The following NAP1L4 variants were observed in gnomAD, a reference collection of about 807,000 sequenced individuals.
NAP1L4 encodes nucleosome assembly protein 1-like 4.
Under a neutral mutation model 58.2 loss-of-function variants are expected in NAP1L4, and 15 were observed. That is an observed-to-expected ratio of 0.26 (90% CI 0.17 to 0.40). NAP1L4 has a LOEUF of 0.40. Among genes scored for constraint, NAP1L4 ranks in the 10% least tolerant of loss-of-function variants. The probability of loss-of-function intolerance (pLI) is 1.00; values close to 1 mark genes in which losing one functional copy is unlikely to be tolerated. For missense variants in NAP1L4, 384 were observed against 451.1 expected, an observed-to-expected ratio of 0.85 and a Z score of 1.35; for synonymous variants, 171 against 155.6, an observed-to-expected ratio of 1.10 and a Z score of -0.74.
rs781596267 is a variant in NAP1L4, at chr11:2,976,138, G to A, written c.74-15C>T. ...TGTGAGCTTTTCTATGAAGAGTTAA[G>A]ACCAAACATATTTAAAATATGCCCA... On this transcript the variant is annotated splice_polypyrimidine_tract_variant and intron_variant, in intron 3 of 15. Coordinates refer to ENST00000380542, the MANE Select transcript of NAP1L4 (RefSeq NM_005969.4). 1.3e-6 allele frequency: 2 copies of A among 1,596,998 alleles called. No homozygotes were observed. The highest frequency in any genetic ancestry group is 2.2e-5 in the South Asian group (2 of 89,254).
chr11:2,978,533 G>A (rs1590261963), intron 2 of NAP1L4, among the ~76,000 whole-genome samples, 191 bp from the exon 3 acceptor site: 1 of 152,070 alleles, frequency 6.6e-6, no homozygotes, highest in Non-Finnish European at 1.5e-5. Flanking sequence ...ATTCTACTAC[G>A]TAACATCCCC....
rs1266511752 is a variant in NAP1L4 at position 2,992,297 on chromosome 11, C to T, written c.-61G>A. On this transcript the variant is annotated 5_prime_UTR_variant, in exon 1 of 16. Transcript: ENST00000380542. ...GTGGCGGCGACCCTAGCTTCGCTCG[C>T]TTTGGGGCTGCGCCGCCGTGGCCTC... The T allele has an allele frequency of 6.6e-6, 1 of 152,344 alleles. No individual in the cohort carries two copies. Among genetic ancestry groups the T allele is most frequent in the Non-Finnish European group, 1.5e-5 (1 of 68,134 alleles). 9.4% of individuals were successfully genotyped at this position (152,344 alleles called of 1,614,324 possible). A position where few individuals can be genotyped will look rare whatever the true frequency, so the allele number is the denominator to read the frequency against.
At chr11:2,976,623 T>C (rs73406378) in intron 3 of NAP1L4, among the ~76,000 whole-genome samples, 7,331 of 152,298 alleles carry the variant, frequency 0.048, 595 homozygotes, top group African/African-American at 0.17. Flanking sequence ...TAAGTTTTCT[T>C]TGCATGTGCT....
At chr11:2,965,867 G>A (rs16928925) in intron 7 of NAP1L4, among the ~76,000 whole-genome samples, 3,498 of 152,256 alleles carry the variant, frequency 0.023, 143 homozygotes, top group African/African-American at 0.08. Flanking sequence ...TACACAGAGC[G>A]TGTCTGAGAT....
intron 4 of NAP1L4, among the ~76,000 whole-genome samples, 191 bp downstream of exon 4, chr11:2,975,833 C>T (rs911117051): frequency 2.6e-5 from 4 of 152,134 alleles, no homozygotes; most frequent in African/African-American, 9.7e-5. Flanking sequence ...CTACTCCATC[C>T]ACCAGGCAAA....
chr11:2,958,191 T>C (rs894577025), intron 10 of NAP1L4: 3 of 696,482 alleles, frequency 4.3e-6, no homozygotes, highest in Non-Finnish European at 7.9e-6. Context: ...AAGATGACAA[T>C]CCTACTCTTA....
At chr11:2,964,788 T>TA (rs779061549) in intron 7 of NAP1L4, 37 bp from the exon 8 acceptor site, 40 of 1,494,176 alleles carry the variant, frequency 2.7e-5, no homozygotes, top group East Asian at 9.1e-5. Context: ...AACAGGCTTT[T>TA]AAAAAAACAA....
chr11:2,945,199 G>T lies in NAP1L4; in HGVS notation c.*480C>A, dbSNP rs1194529200. On this transcript the variant is annotated 3_prime_UTR_variant, in exon 16 of 16. Transcript: ENST00000380542. ...AAACAGCAAGTGGGTTTCTTCGGAT[G>T]AAAGGGAAGAATTCAGTCCAACTGC... 5.7e-6 allele frequency: 1 copy of T among 174,546 alleles called. No individual in the cohort carries two copies. Among genetic ancestry groups the T allele is most frequent in the Non-Finnish European group, 1.2e-5 (1 of 83,084 alleles). The allele number at this position is 174,546 out of a possible 1,614,324, so 10.8% of individuals were successfully genotyped here. A position where few individuals can be genotyped will look rare whatever the true frequency, so the allele number is the denominator to read the frequency against.
rs1283602863 is a variant in NAP1L4 at position 2,959,643 on chromosome 11, C to CAGGCTTTT, written c.746+119_746+126dup. 2 of 1,106,712 alleles carry CAGGCTTTT rather than the reference C, an allele frequency of 1.8e-6. No individual in the cohort carries two copies. Among genetic ancestry groups the CAGGCTTTT allele is most frequent in the African/African-American group, 3.2e-5 (2 of 63,334 alleles). The allele number at this position is 1,106,712 out of a possible 1,614,324, so 68.6% of individuals were successfully genotyped here. ...AAAGACTATTGAAATATACATCTAC[C>CAGGCTTTT]AGGCTTTTAGGCTTTTAAGCAGACT... On this transcript the variant is annotated intron_variant, in intron 9 of 15. Transcript: ENST00000380542. The surrounding 1 kb of genome is among the most constrained non-coding windows in gnomAD (Gnocchi z 4.9).
intron 10 of NAP1L4, among the ~76,000 whole-genome samples, chr11:2,958,017 A>C (rs760588216): frequency 6.6e-6 from 1 of 152,224 alleles, no homozygotes; most frequent in Non-Finnish European, 1.5e-5. Flanking sequence ...CGAACCAGAC[A>C]CAACAGCGGG....
chr11:2,969,992 C>T (rs1027336199), intron 6 of NAP1L4, 58 bp from the exon 7 acceptor site: 14 of 1,530,788 alleles, frequency 9.1e-6, no homozygotes, highest in Non-Finnish European at 1.8e-6. Context: ...AATGCAGCGG[C>T]TTCACGTAGA....
chr11:2,958,109 T>C, intron 10 of NAP1L4: 1 of 582,704 alleles, frequency 1.7e-6, no homozygotes, highest in Non-Finnish European at 3.2e-6. Flanking sequence ...CGATTCAGTT[T>C]TCTTAAAACA....
chr11:2,945,612 T>G lies in NAP1L4; in HGVS notation c.*67A>C. On this transcript the variant is annotated 3_prime_UTR_variant, in exon 16 of 16. Transcript: ENST00000380542. ...CCAGGCACCCGCCTCCGCTTCCTAC[T>G]GCTGCTTGCATTCCGCCGGCTGGCT... The G allele has an allele frequency of 1.3e-6, 2 of 1,536,062 alleles. No individual in the cohort carries two copies.
intron 3 of NAP1L4, among the ~76,000 whole-genome samples, chr11:2,977,991 G>A (rs1848067418): frequency 6.6e-6 from 1 of 151,870 alleles, no homozygotes; most frequent in Admixed American, 6.6e-5. Flanking sequence ...ACACAGCAAG[G>A]CTCCATCTCA....
At chr11:2,984,401 G>A (rs549837659) in intron 1 of NAP1L4, among the ~76,000 whole-genome samples, 2 of 151,998 alleles carry the variant, frequency 1.3e-5, no homozygotes, top group Admixed American at 6.5e-5. Flanking sequence ...GGAGAAACCC[G>A]TCTCTACTAA....
intron 1 of NAP1L4, among the ~76,000 whole-genome samples, chr11:2,982,932 AC>A (rs1449224665): frequency 4.6e-5 from 7 of 152,324 alleles, no homozygotes; most frequent in African/African-American, 1.7e-4. Flanking sequence ...AAGCAGGAGA[AC>A]TGCTTGAACC....
At chr11:2,953,189 G>A (rs541437975) in intron 12 of NAP1L4, among the ~76,000 whole-genome samples, 6 of 152,338 alleles carry the variant, frequency 3.9e-5, no homozygotes, top group South Asian at 2.1e-4. Context: ...TGTGCTGAAC[G>A]TATTGTGAAT....
In NAP1L4 at chr11:2,946,223, C is replaced by G. The variant is rs141340129; in HGVS notation, c.*33-577G>C. ...CTGTACTGCACCAACAAATGATGAG[C>G]TGCCACTCCCAAGAGCTCCATCTGT... On this transcript the variant is annotated intron_variant, in intron 15 of 15. Transcript: ENST00000380542. This position sits in a 1 kb window ranked among gnomAD's most constrained non-coding sequence, Gnocchi z 4.8. Among the ~76,000 whole-genome samples the G allele has an allele frequency of 2.9e-3, 444 of 152,298 alleles. 2 individuals are homozygous for G. Among genetic ancestry groups the G allele is most frequent in the African/African-American group, 9.8e-3 (409 of 41,542 alleles).
chr11:2,974,965 T>C (rs778131991), intron 4 of NAP1L4, among the ~76,000 whole-genome samples: 3 of 151,864 alleles, frequency 2.0e-5, no homozygotes, highest in Non-Finnish European at 2.9e-5. Context: ...GAGGCGGAAG[T>C]TGCACTCCAG....
Sources: allele counts gnomAD v4.1 joint callset (sites outside exome capture counted in the v4.1 genomes callset), GRCh38; gene constraint gnomAD v4.1.1; non-coding constraint Gnocchi (gnomAD v3.1); transcripts MANE v1.5; gene names NCBI Gene and HGNC (gene_info 2026-07-23, HGNC 2026-07-21).